The following SMARCE1 variants were observed in gnomAD, a reference collection of about 807,000 sequenced individuals.
The protein encoded by SMARCE1 is SWI/SNF-related matrix-associated actin-dependent regulator of chromatin subfamily E member 1.
In SMARCE1, 13 loss-of-function variants were observed where a neutral mutation model predicts 54.9. The ratio of observed to expected loss-of-function variants is 0.24; its 90% CI spans 0.15 to 0.38. The LOEUF (loss-of-function observed/expected upper bound fraction) is 0.38. SMARCE1 is among the 10% of genes least tolerant of loss of function. The probability of loss-of-function intolerance (pLI) is 1.00; values close to 1 mark genes in which losing one functional copy is unlikely to be tolerated. For missense variants in SMARCE1, 295 were observed against 523.8 expected, an observed-to-expected ratio of 0.56 and a Z score of 4.26; for synonymous variants, 151 against 175.3, an observed-to-expected ratio of 0.86 and a Z score of 1.10.
rs771523560 is a variant in SMARCE1, at chr17:40,635,956, G to A, written c.516C>T (p.Ser172=). The A allele has an allele frequency of 2.5e-6, 4 of 1,596,256 alleles. No individual in the cohort carries two copies. The highest frequency in any genetic ancestry group is 3.4e-6 in the Non-Finnish European group (4 of 1,173,334). Residue 172 remains serine (S), a synonymous_variant, in exon 7 of 11, where the codon AGC becomes AGT. Transcript: ENST00000348513. ...SRMEKGEPYM[S]IQPAEDPDDY... is the part of the protein sequence containing the mutation. ...CATCTGGATCTTCAGCAGGCTGAATGCTCATGTACGGTTCTCCTTTCTCCA... is the reference window on the plus strand; with the variant it reads ...CATCTGGATCTTCAGCAGGCTGAATACTCATGTACGGTTCTCCTTTCTCCA...
chr17:40,638,396 G>GAC (rs1247102722), intron 4 of SMARCE1, among the ~76,000 whole-genome samples: 3 of 152,040 alleles, frequency 2.0e-5, no homozygotes, highest in Non-Finnish European at 4.4e-5. Flanking sequence ...GGAAAAGAGA[G>GAC]ACAGAAGAAA....
chr17:40,647,785 A>G lies in SMARCE1; in HGVS notation c.-58T>C, dbSNP rs2037276547. On this transcript the variant is annotated 5_prime_UTR_variant, in exon 1 of 11. Coordinates refer to ENST00000348513, the MANE Select transcript of SMARCE1 (RefSeq NM_003079.5). The stretch of plus-strand genomic sequence containing the variant: ...TGGAAACACTCACCCGCGGGCAGAA[A>G]AAGCGCCCGCAGCTCCGGCTTCGCT... 6.5e-6 allele frequency: 1 copy of G among 153,608 alleles called. No individual in the cohort carries two copies. Among genetic ancestry groups the G allele is most frequent in the Admixed American group, 6.5e-5 (1 of 15,288 alleles). 9.5% of individuals were successfully genotyped at this position (153,608 alleles called of 1,614,324 possible).
rs1169388006 is a variant in SMARCE1 at position 40,626,363 on chromosome 17, CAAGA to C, written c.*2418_*2421del. The C allele has an allele frequency of 1.3e-5, 2 of 152,172 alleles. No homozygotes were observed. Among genetic ancestry groups the C allele is most frequent in the South Asian group, 2.1e-4 (1 of 4,812 alleles). 9.4% of individuals were successfully genotyped at this position (152,172 alleles called of 1,614,324 possible). A position where few individuals can be genotyped will look rare whatever the true frequency, so the allele number is the denominator to read the frequency against. ...AAAAATCAAGGAGCAGTAAGGGCAC[CAAGA>C]AAGAGCAGTTTGATCTATTTTATAA... On this transcript the variant is annotated 3_prime_UTR_variant, in exon 11 of 11. Transcript: ENST00000348513.
In SMARCE1 at chr17:40,626,212, C is replaced by T. The variant is rs2037032919; in HGVS notation, c.*2573G>A. 6.6e-6 allele frequency: 1 copy of T among 151,842 alleles called. No homozygotes were observed. The highest frequency in any genetic ancestry group is 2.4e-5 in the African/African-American group (1 of 41,294). The allele number at this position is 151,842 out of a possible 1,614,324, so 9.4% of individuals were successfully genotyped here. ...ATTACACTCCAGCCTGGGCAACAGT[C>T]AGACTGTCTCAAAAAAAAAGGAAAA... On this transcript the variant is annotated 3_prime_UTR_variant, in exon 11 of 11. Coordinates refer to ENST00000348513, the MANE Select transcript of SMARCE1 (RefSeq NM_003079.5).
chr17:40,646,081 G>GT lies in SMARCE1; in HGVS notation c.-45-235dup, dbSNP rs1315089851. Among the ~76,000 whole-genome samples, 12 of 152,174 alleles carry GT rather than the reference G, an allele frequency of 7.9e-5. No individual in the cohort carries two copies. In the East Asian group the frequency reaches 1.7e-3, roughly 22 times the overall value. Reference sequence around the variant, plus strand: ...GGGATATTTAGAAATGTACTTTCAGGTTTTTTCTTGTGATACTAAGCTACC... The same window carrying GT: ...GGGATATTTAGAAATGTACTTTCAGGTTTTTTTCTTGTGATACTAAGCTACC... On this transcript the variant is annotated intron_variant, in intron 1 of 10. Transcript: ENST00000348513.
intron 3 of SMARCE1, 41 bp downstream of exon 3, chr17:40,645,535 C>A: frequency 7.2e-7 from 1 of 1,396,628 alleles, no homozygotes; most frequent in Non-Finnish European, 9.8e-7. Flanking sequence ...TGTATCAAGG[C>A]CAGAGTTGGC....
Position 40,629,868 on chromosome 17 carries a change from G to A in SMARCE1, c.1027+846C>T, listed in dbSNP as rs918319147. Reference sequence around the variant, plus strand: ...CAAAACAGAAAGAGACTCAGATACTGAAACTTAAAATATGACCATTTCAAA... The same window carrying A: ...CAAAACAGAAAGAGACTCAGATACTAAAACTTAAAATATGACCATTTCAAA... On this transcript the variant is annotated intron_variant, in intron 10 of 10. Transcript: ENST00000348513. 4.4e-5 allele frequency: 16 copies of A among 360,844 alleles called. No individual in the cohort carries two copies. The East Asian group carries it at 6.5e-4, about 15-fold the overall frequency. 22.4% of individuals were successfully genotyped at this position (360,844 alleles called of 1,614,324 possible). A position where few individuals can be genotyped will look rare whatever the true frequency, so the allele number is the denominator to read the frequency against.
rs1359734961 is a variant in SMARCE1, at chr17:40,626,585, A to C, written c.*2200T>G. On this transcript the variant is annotated 3_prime_UTR_variant, in exon 11 of 11. Coordinates refer to ENST00000348513, the MANE Select transcript of SMARCE1 (RefSeq NM_003079.5). ...TGAGGTTCAGAGCTGTCAAATCCCA[A>C]CTGAGGCCGGGCACAGTGGCTCACG... is the stretch of plus-strand genomic sequence containing the variant. The C allele has an allele frequency of 1.3e-5, 2 of 151,884 alleles. No individual in the cohort carries two copies. Among genetic ancestry groups the C allele is most frequent in the Admixed American group, 1.3e-4 (2 of 15,258 alleles). 9.4% of individuals were successfully genotyped at this position (151,884 alleles called of 1,614,324 possible).
intron 7 of SMARCE1, chr17:40,634,951 A>G (rs572016599): frequency 2.0e-5 from 3 of 152,028 alleles, no homozygotes; most frequent in Non-Finnish European, 4.4e-5. Context: ...TCCATATTCT[A>G]TTCTCTATAG....
intron 7 of SMARCE1, chr17:40,634,067 T>G (rs144282080): frequency 1.3e-5 from 2 of 152,404 alleles, no homozygotes; most frequent in Admixed American, 1.3e-4. Flanking sequence ...TATCCTATGA[T>G]GAAGAGGCTC....
At chr17:40,631,125 T>C (rs189949460) in intron 9 of SMARCE1, 250 of 554,656 alleles carry the variant, frequency 4.5e-4, no homozygotes, top group African/African-American at 4.3e-3. Flanking sequence ...ACAGCAGCTC[T>C]AGCAGTTGTA....
At position 40,628,863 on chromosome 17, in the gene SMARCE1, G is replaced by A. The variant is rs1597741219; in HGVS notation, c.1158C>T (p.Asn386=). The part of the protein sequence containing the change: ...SMAEEGTSDS[N]TGSESNSATV... ...TTGCACTGTTGCTCTCCGAGCCAGTGTTACTATCACTGGTTCCTTCCTCTG... is the reference window on the plus strand; with the variant it reads ...TTGCACTGTTGCTCTCCGAGCCAGTATTACTATCACTGGTTCCTTCCTCTG... The change falls in exon 11 of 11, where the codon AAC becomes AAT. Residue 386 remains asparagine (N), a synonymous_variant. Transcript: ENST00000348513. 1 of 1,613,854 alleles carries A rather than the reference G, an allele frequency of 6.2e-7. No homozygotes were observed. Among genetic ancestry groups the A allele is most frequent in the African/African-American group, 1.3e-5 (1 of 75,040 alleles).
intron 7 of SMARCE1, chr17:40,634,166 G>A (rs564275726): frequency 1.3e-3 from 199 of 151,648 alleles, no homozygotes; most frequent in African/African-American, 4.8e-3. Flanking sequence ...TTATTGCCCT[G>A]TCATCCAGGA....
intron 4 of SMARCE1, among the ~76,000 whole-genome samples, chr17:40,639,036 C>G (rs2037171330): frequency 6.6e-6 from 1 of 152,142 alleles, no homozygotes; most frequent in African/African-American, 2.4e-5. Context: ...GCAGTATTTC[C>G]TCTCTTTCCA....
intron 2 of SMARCE1, 26 bp downstream of exon 2, chr17:40,645,770 T>C: frequency 8.9e-7 from 1 of 1,124,306 alleles, no homozygotes; most frequent in Non-Finnish European, 1.2e-6. Context: ...TAACATAGAT[T>C]GATAAATATA....
intron 10 of SMARCE1, chr17:40,630,302 T>C (rs1017186554): frequency 2.4e-5 from 28 of 1,191,250 alleles, no homozygotes; most frequent in East Asian, 7.5e-5. Context: ...AAGAGCCAGA[T>C]AGAAAATATT....
intron 1 of SMARCE1, chr17:40,647,492 T>C (rs1381227003): frequency 1.3e-5 from 2 of 152,434 alleles, no homozygotes; most frequent in Admixed American, 1.3e-4. Flanking sequence ...TCTCTTTGTC[T>C]TGGAGAATGT....
chr17:40,630,871 T>A lies in SMARCE1; in HGVS notation c.870A>T (p.Ala290=). The A allele has an allele frequency of 6.2e-7, 1 of 1,613,936 alleles. No homozygotes were observed. Among genetic ancestry groups the A allele is most frequent in the Non-Finnish European group, 8.5e-7 (1 of 1,180,020 alleles). ...TTTTGCGGGCCTGTTCCTCTGCCTG[T>A]GCAATCTCAGCTGCAATTTTCTCCA... ...VDMEKIAAEI[A]QAEEQARKRQ... Residue 290 remains alanine, a synonymous_variant, in exon 10 of 11, where the codon GCA becomes GCT. Coordinates refer to ENST00000348513, the MANE Select transcript of SMARCE1 (RefSeq NM_003079.5).
chr17:40,634,716 A>C (rs1315647961), intron 7 of SMARCE1: 1 of 152,194 alleles, frequency 6.6e-6, no homozygotes, highest in Admixed American at 6.5e-5. Context: ...CTCAGTGTTC[A>C]TGGTGTTAAT....
Sources: gnomAD v4.1 joint callset for allele counts (sites outside exome capture counted in the v4.1 genomes callset) on GRCh38, gnomAD v4.1.1 for gene constraint, MANE v1.5 for transcripts, NCBI Gene and HGNC (gene_info 2026-07-23, HGNC 2026-07-21) for gene names.